DLC1: variants seen among roughly 807,000 people sequenced by gnomAD.
The protein encoded by DLC1 is DLC1 Rho GTPase activating protein, also known as rho GTPase-activating protein 7.
A neutral mutation model predicts 140.3 loss-of-function variants in DLC1; 54 were observed. The observed-to-expected ratio is 0.38, with a 90% CI of 0.31 to 0.48. The LOEUF is 0.48. Among genes scored for constraint, DLC1 ranks in the 20% least tolerant of loss-of-function variants. The pLI is 0.96. For missense variants in DLC1, 2,536 were observed against 1,907.0 expected (o/e 1.33, Z -6.14); for synonymous variants, 986 against 728.1 (o/e 1.35, Z -5.70).
chr8:13,205,527 T>C (rs1827618215), intron 5 of DLC1, among the ~76,000 whole-genome samples: 1 of 152,136 alleles, frequency 6.6e-6, no homozygotes, highest in Non-Finnish European at 1.5e-5. Flanking sequence ...CCCAAACTTT[T>C]GGTTTCCCTG....
intron 5 of DLC1, among the ~76,000 whole-genome samples, chr8:13,239,292 G>A (rs1829440533): frequency 6.6e-6 from 1 of 151,886 alleles, no homozygotes; most frequent in Admixed American, 6.6e-5. Flanking sequence ...GGGAAGAGCG[G>A]GGCAAATAAT....
chr8:13,236,415 TA>T (rs1274708088), intron 5 of DLC1, among the ~76,000 whole-genome samples: 1 of 152,132 alleles, frequency 6.6e-6, no homozygotes, highest in Non-Finnish European at 1.5e-5. Context: ...TTCCTCTTTG[TA>T]AATTGGCATT....
In DLC1 at chr8:13,107,111, C is replaced by G. The variant is rs79041135; in HGVS notation, c.1502+3631G>C. Among the ~76,000 whole-genome samples the G allele has an allele frequency of 1.6e-4, 25 of 152,316 alleles. No individual in the cohort carries two copies. The East Asian group carries it at 4.2e-3, about 26-fold the overall frequency. ...TTCTCCAAGGGAACAGACACATGAACCCCTTGCAGTGTGAATGTAAAAATG... is the reference window on the plus strand; with the variant it reads ...TTCTCCAAGGGAACAGACACATGAAGCCCTTGCAGTGTGAATGTAAAAATG... On this transcript the variant is annotated intron_variant, in intron 7 of 17. Coordinates refer to ENST00000276297, the MANE Select transcript of DLC1 (RefSeq NM_182643.3).
chr8:13,482,782 T>C (rs969862680), intron 2 of DLC1, among the ~76,000 whole-genome samples: 1 of 152,194 alleles, frequency 6.6e-6, no homozygotes, highest in African/African-American at 2.4e-5. Context: ...GTGCTTGTCT[T>C]CACTCAATCA....
At chr8:13,457,242 C>T (rs1250108956) in intron 2 of DLC1, among the ~76,000 whole-genome samples, 3 of 152,042 alleles carry the variant, frequency 2.0e-5, no homozygotes, top group Non-Finnish European at 4.4e-5. Context: ...TTTTAAAAGC[C>T]ACTGTCTATT....
chr8:13,194,537 G>C (rs1341076347), intron 5 of DLC1, among the ~76,000 whole-genome samples: 6 of 152,242 alleles, frequency 3.9e-5, no homozygotes, highest in African/African-American at 1.2e-4. Flanking sequence ...TGCAAATGCT[G>C]TTTGGAAGCT....
At chr8:13,554,625 C>T (rs1188204574) in intron 1 of DLC1, among the ~76,000 whole-genome samples, 3 of 152,120 alleles carry the variant, frequency 2.0e-5, no homozygotes, top group East Asian at 3.9e-4. Context: ...CATTCCCAAA[C>T]CCTCTAAGAA....
At chr8:13,254,113 G>A (rs1028867290) in intron 5 of DLC1, among the ~76,000 whole-genome samples, 3 of 151,802 alleles carry the variant, frequency 2.0e-5, no homozygotes, top group African/African-American at 4.8e-5. Flanking sequence ...TTCTCGGAAT[G>A]TTGTGGTCAT....
chr8:13,364,019 A>G (rs1835365794), intron 4 of DLC1, among the ~76,000 whole-genome samples: 3 of 152,026 alleles, frequency 2.0e-5, no homozygotes, highest in Non-Finnish European at 2.9e-5. Flanking sequence ...TAGCAGGGAG[A>G]GGTAGGGGTG....
Position 13,405,612 on chromosome 8 carries a change from G to C in DLC1, c.1024-3993C>G, listed in dbSNP as rs567747343. 7.9e-5 allele frequency among the ~76,000 whole-genome samples: 12 copies of C among 152,178 alleles called. No individual in the cohort carries two copies. In the South Asian group the frequency reaches 2.3e-3, roughly 29 times the overall value. ...GTTAGCTTTCGAGTTCTACATGTTGGTTTCCCTCCATGTTAAACATTTTAA... is the reference window on the plus strand; with the variant it reads ...GTTAGCTTTCGAGTTCTACATGTTGCTTTCCCTCCATGTTAAACATTTTAA... On this transcript the variant is annotated intron_variant, in intron 2 of 17. Transcript: ENST00000276297.
intron 4 of DLC1, among the ~76,000 whole-genome samples, chr8:13,343,669 G>A (rs1318429346): frequency 6.6e-6 from 1 of 152,136 alleles, no homozygotes; most frequent in Non-Finnish European, 1.5e-5. Flanking sequence ...AGTAAATGGA[G>A]GAATGTGGAT....
chr8:13,451,869 T>G (rs1021021616), intron 2 of DLC1, among the ~76,000 whole-genome samples: 13 of 152,320 alleles, frequency 8.5e-5, no homozygotes, highest in African/African-American at 2.6e-4. Context: ...TTTCTTTTTT[T>G]GGGAGGGTAT....
intron 1 of DLC1, among the ~76,000 whole-genome samples, chr8:13,506,887 T>C (rs1006462262): frequency 2.6e-5 from 4 of 152,028 alleles, no homozygotes; most frequent in East Asian, 1.9e-4. Context: ...CTTAGTAAGA[T>C]GCATATGTTG....
chr8:13,481,456 A>C (rs1453331077), intron 2 of DLC1, among the ~76,000 whole-genome samples: 1 of 152,174 alleles, frequency 6.6e-6, no homozygotes, highest in East Asian at 1.9e-4. Flanking sequence ...AAAACAAACA[A>C]ACAGAAGAAT....
chr8:13,549,005 TTTATC>T (rs1327254440), intron 1 of DLC1, among the ~76,000 whole-genome samples: 40 of 152,184 alleles, frequency 2.6e-4, no homozygotes, highest in African/African-American at 9.1e-4. Context: ...ATATAAGACA[TTTATC>T]TTATTTTTAA....
At position 13,488,622 on chromosome 8, in the gene DLC1, A is replaced by G. The variant is rs138938899; in HGVS notation, c.1023+10427T>C. Reference sequence around the variant, plus strand: ...CAGCCCAGACACCAGCTGAGCGAAGACTTTTCTGACCTCCCCATCTGGAAA... The same window carrying G: ...CAGCCCAGACACCAGCTGAGCGAAGGCTTTTCTGACCTCCCCATCTGGAAA... On this transcript the variant is annotated intron_variant, in intron 2 of 17. Transcript: ENST00000276297. Among the ~76,000 whole-genome samples, 646 of 152,282 alleles carry G rather than the reference A, an allele frequency of 4.2e-3. 5 individuals carry two copies. The highest frequency in any genetic ancestry group is 0.015 in the African/African-American group (620 of 41,564).
chr8:13,160,206 A>G (rs1446591458), intron 5 of DLC1: 1 of 152,368 alleles, frequency 6.6e-6, no homozygotes, highest in Non-Finnish European at 1.5e-5. Flanking sequence ...GGTATCTACA[A>G]CGAATTGATC....
intron 5 of DLC1, among the ~76,000 whole-genome samples, chr8:13,244,444 T>A (rs1829675004): frequency 6.6e-6 from 1 of 151,952 alleles, no homozygotes; most frequent in African/African-American, 2.4e-5. Context: ...ACTACAGGTG[T>A]GCAGCACTAT....
intron 5 of DLC1, among the ~76,000 whole-genome samples, chr8:13,202,996 TC>T (rs1827478546): frequency 6.6e-6 from 1 of 152,176 alleles, no homozygotes; most frequent in Non-Finnish European, 1.5e-5. Context: ...TTATTTCCTT[TC>T]TTTATCAAAA....
Sources: gnomAD v4.1 joint callset for allele counts (sites outside exome capture counted in the v4.1 genomes callset) on GRCh38, gnomAD v4.1.1 for gene constraint, MANE v1.5 for transcripts, NCBI Gene and HGNC (gene_info 2026-07-23, HGNC 2026-07-21) for gene names.